Variants in MARCHF8 observed in about 807,000 individuals in gnomAD.
MARCHF8 encodes E3 ubiquitin-protein ligase MARCHF8.
MARCHF8 carries 40 observed loss-of-function variants against 51.6 expected under a neutral mutation model. The ratio of observed to expected loss-of-function variants is 0.77; its 90% CI spans 0.60 to 1.01. MARCHF8 has a LOEUF of 1.01. MARCHF8 is among the 50% of genes least tolerant of loss of function. The pLI is 0.00. For synonymous variants in MARCHF8, 263 were observed against 280.3 expected, an observed-to-expected ratio of 0.94 and a Z score of 0.62; for missense variants, 685 against 708.6, an observed-to-expected ratio of 0.97 and a Z score of 0.38.
chr10:45,480,970 G>A (rs1261064538), intron 3 of MARCHF8, among the ~76,000 whole-genome samples: 7 of 152,254 alleles, frequency 4.6e-5, no homozygotes, highest in African/African-American at 7.2e-5. Context: ...GCTCGTGAAA[G>A]CAGCCAGGAG....
rs1301679049 is a variant in MARCHF8, at chr10:45,458,430, GTC to G, written c.1529_1530del (p.Arg510ThrfsTer5). On this transcript the variant is annotated frameshift_variant, in exon 8 of 8. Transcript: ENST00000453424. LOFTEE classifies it high-confidence loss of function. The stretch of plus-strand genomic sequence containing the variant: ...TAGATCACTCTATTATAGGCCTTGA[GTC>G]TCTTCCACAATTGCACATACACTTT... ...QCKVYVQLWK[R>X]LKAYNRVIYV... 6.2e-7 allele frequency: 1 copy of G among 1,614,104 alleles called. No individual in the cohort carries two copies. Among genetic ancestry groups the G allele is most frequent in the Non-Finnish European group, 8.5e-7 (1 of 1,180,010 alleles).
At chr10:45,590,820 C>G (rs2044671652) in intron 1 of MARCHF8, among the ~76,000 whole-genome samples, 1 of 152,170 alleles carries the variant, frequency 6.6e-6, no homozygotes, top group Admixed American at 6.5e-5. Flanking sequence ...GGTCAGGAGT[C>G]TAAGACTGTC....
intron 1 of MARCHF8, among the ~76,000 whole-genome samples, chr10:45,591,505 TGACA>T (rs891933457): frequency 6.6e-6 from 1 of 150,498 alleles, no homozygotes; most frequent in Non-Finnish European, 1.5e-5. Flanking sequence ...AGCAAAGAAA[TGACA>T]GACACAGAAT....
intron 6 of MARCHF8, 182 bp downstream of exon 6, chr10:45,461,049 C>A: frequency 2.3e-6 from 1 of 435,300 alleles, no homozygotes; most frequent in Non-Finnish European, 4.0e-6. Flanking sequence ...GAGCTTCTTC[C>A]TGAGAAGAGG....
At chr10:45,545,169 C>T (rs1009499633) in intron 1 of MARCHF8, among the ~76,000 whole-genome samples, 1 of 152,176 alleles carries the variant, frequency 6.6e-6, no homozygotes, top group South Asian at 2.1e-4. Flanking sequence ...TTATTGAGTT[C>T]TTTAATTAAT....
chr10:45,500,773 G>C (rs918525258), intron 2 of MARCHF8, among the ~76,000 whole-genome samples: 3 of 151,938 alleles, frequency 2.0e-5, no homozygotes, highest in African/African-American at 7.2e-5. Flanking sequence ...AAAATCCTAA[G>C]GTATTAACAA....
Position 45,468,791 on chromosome 10 carries a change from T to A in MARCHF8, c.154-4464A>T, listed in dbSNP as rs556695436. On this transcript the variant is annotated intron_variant, in intron 3 of 7. Coordinates refer to ENST00000453424, the MANE Select transcript of MARCHF8 (RefSeq NM_001282866.2). ...TGAGAAATACAAATTAAAACTACAA[T>A]GAGATACCATTATCAGCCAAGAAAA... 4.6e-5 allele frequency among the ~76,000 whole-genome samples: 7 copies of A among 152,192 alleles called. No homozygotes were observed. In the South Asian group the frequency reaches 1.5e-3, roughly 32 times the overall value.
At chr10:45,529,773 G>A (rs146006764) in intron 2 of MARCHF8, among the ~76,000 whole-genome samples, 108 of 152,296 alleles carry the variant, frequency 7.1e-4, no homozygotes, top group African/African-American at 2.4e-3. Flanking sequence ...TTACTCAGGT[G>A]TCAAAAAAAT....
chr10:45,502,377 G>A (rs1250801389), intron 2 of MARCHF8, among the ~76,000 whole-genome samples: 1 of 152,114 alleles, frequency 6.6e-6, no homozygotes, highest in Non-Finnish European at 1.5e-5. Context: ...AACAGTAAAC[G>A]AGAAAGTACG....
At chr10:45,546,355 GT>G (rs1332704575) in intron 1 of MARCHF8, among the ~76,000 whole-genome samples, 1 of 151,558 alleles carries the variant, frequency 6.6e-6, no homozygotes, top group African/African-American at 2.4e-5. Flanking sequence ...TAGAGACAGG[GT>G]TTCACCATGT....
At chr10:45,493,419 T>C (rs2043119581) in intron 2 of MARCHF8, among the ~76,000 whole-genome samples, 1 of 152,208 alleles carries the variant, frequency 6.6e-6, no homozygotes, top group Non-Finnish European at 1.5e-5. Flanking sequence ...TCTTCCTTCC[T>C]TCCTCAGAGA....
chr10:45,489,419 T>G lies in MARCHF8; in HGVS notation c.103-2A>C. On this transcript the variant is annotated splice_acceptor_variant, in intron 2 of 7. Coordinates refer to ENST00000453424, the MANE Select transcript of MARCHF8 (RefSeq NM_001282866.2). LOFTEE classifies it high-confidence loss of function. ...GAAATGTCCCAAAGTCTTCTCATTC[T>G]GCAAGAAAATCAAACAGGTTTTAAT... The G allele has an allele frequency of 6.2e-7, 1 of 1,611,262 alleles. No individual in the cohort carries two copies. Among genetic ancestry groups the G allele is most frequent in the African/African-American group, 1.3e-5 (1 of 74,946 alleles).
intron 3 of MARCHF8, among the ~76,000 whole-genome samples, chr10:45,480,741 C>G (rs2042870937): frequency 6.6e-6 from 1 of 152,196 alleles, no homozygotes. Context: ...CCTGGATGTT[C>G]AGGCACTGGT....
At chr10:45,544,332 A>C (rs2044094147) in intron 1 of MARCHF8, among the ~76,000 whole-genome samples, 2 of 152,230 alleles carry the variant, frequency 1.3e-5, no homozygotes, top group Admixed American at 6.5e-5. Context: ...AAAGTTAAAC[A>C]TAAACTTATC....
chr10:45,554,224 G>A (rs927784606), intron 1 of MARCHF8, among the ~76,000 whole-genome samples: 1 of 152,062 alleles, frequency 6.6e-6, no homozygotes, highest in Non-Finnish European at 1.5e-5. Context: ...ACAAGTAATG[G>A]TATCAATATG....
chr10:45,488,434 C>T (rs1021466436), intron 3 of MARCHF8, among the ~76,000 whole-genome samples: 6 of 152,060 alleles, frequency 3.9e-5, no homozygotes, highest in African/African-American at 1.2e-4. Context: ...TAGGAGATAG[C>T]ACAGAGAGGA....
At chr10:45,478,157 A>C (rs1201006610) in intron 3 of MARCHF8, among the ~76,000 whole-genome samples, 1 of 152,216 alleles carries the variant, frequency 6.6e-6, no homozygotes, top group Non-Finnish European at 1.5e-5. Context: ...ACAGGTTAGG[A>C]CACAAAACAA....
intron 1 of MARCHF8, among the ~76,000 whole-genome samples, chr10:45,576,824 TC>T (rs2044494888): frequency 6.8e-6 from 1 of 147,312 alleles, no homozygotes; most frequent in South Asian, 2.2e-4. Context: ...CCTTAAAGCA[TC>T]CCAGCTTAAA....
chr10:45,589,880 T>C (rs2044659317), intron 1 of MARCHF8, among the ~76,000 whole-genome samples: 1 of 152,240 alleles, frequency 6.6e-6, no homozygotes, highest in Admixed American at 6.5e-5. Flanking sequence ...AACATGTACA[T>C]ACAAATATTG....
Sources: allele counts gnomAD v4.1 joint callset (sites outside exome capture counted in the v4.1 genomes callset), GRCh38; gene constraint gnomAD v4.1.1; transcripts MANE v1.5; gene names NCBI Gene and HGNC (gene_info 2026-07-23, HGNC 2026-07-21).